The following SRPX variants were observed in gnomAD, a reference collection of about 807,000 sequenced individuals.
The protein encoded by SRPX is sushi repeat-containing protein SRPX.
A neutral mutation model predicts 38.1 loss-of-function variants in SRPX; 24 were observed. That is an observed-to-expected ratio of 0.63 (90% CI 0.46 to 0.89). The LOEUF is 0.89. Ranked by LOEUF, SRPX falls within the 40% of genes least tolerant of loss-of-function variation. The pLI is 0.00. For synonymous variants in SRPX, 184 were observed against 153.8 expected, an observed-to-expected ratio of 1.20 and a Z score of -1.45; for missense variants, 416 against 377.8, an observed-to-expected ratio of 1.10 and a Z score of -0.84.
chrX:38,219,191 G>A (rs951348266), intron 1 of SRPX, among the ~76,000 whole-genome samples: 2 of 110,781 alleles, frequency 1.8e-5, no homozygotes, highest in Non-Finnish European at 3.8e-5. Flanking sequence ...GGGAGGGCAG[G>A]GGAGGAGAAC....
In SRPX at chrX:38,217,281, TAA is replaced by T. The variant is rs766637349; in HGVS notation, c.97+3413_97+3414del. 2.7e-5 allele frequency among the ~76,000 whole-genome samples: 3 copies of T among 112,404 alleles called. No homozygotes were observed. In the Admixed American group the frequency reaches 2.8e-4, roughly 11 times the overall value. On this transcript the variant is annotated intron_variant, in intron 1 of 9. Transcript: ENST00000378533. ...AAATATGTGATATATGTGATAAATA[TAA>T]GAGACATGAGTGAGACCATGGGTGT...
At chrX:38,166,722 A>C (rs1938370294) in intron 4 of SRPX, among the ~76,000 whole-genome samples, 1 of 112,313 alleles carries the variant, frequency 8.9e-6, no homozygotes, top group African/African-American at 3.2e-5. Context: ...AAGTATATTT[A>C]TTAGCATACA....
intron 7 of SRPX, among the ~76,000 whole-genome samples, chrX:38,158,935 G>A (rs1037947556): frequency 2.1e-4 from 23 of 110,850 alleles, no homozygotes; most frequent in Non-Finnish European, 2.6e-4. Flanking sequence ...AACCGAGATC[G>A]CGCCACTGCA....
chrX:38,195,619 C>T (rs762514156), intron 1 of SRPX, among the ~76,000 whole-genome samples: 7 of 111,303 alleles, frequency 6.3e-5, no homozygotes, highest in South Asian at 7.6e-4. Context: ...ATTAGAGAGT[C>T]TTAGATCTGG....
chrX:38,159,764 G>T (rs1290565211), intron 7 of SRPX, among the ~76,000 whole-genome samples: 2 of 112,297 alleles, frequency 1.8e-5, no homozygotes, highest in Non-Finnish European at 3.8e-5. Context: ...GTCACCAAAG[G>T]CTGGCCCTAG....
At chrX:38,213,725 T>C (rs930667350) in intron 1 of SRPX, among the ~76,000 whole-genome samples, 1 of 111,888 alleles carries the variant, frequency 8.9e-6, no homozygotes, top group African/African-American at 3.3e-5. Flanking sequence ...GGAAGTATAG[T>C]AGCTTCTACC....
rs759427806 is a variant in SRPX, at chrX:38,154,524, G to A, written c.1149C>T (p.Phe383=). The A allele has an allele frequency of 4.1e-6, 5 of 1,205,901 alleles. No individual in the cohort carries two copies. The East Asian group carries it at 1.2e-4, about 29-fold the overall frequency. The part of the protein sequence containing the change: ...HITVVELVGV[F]PTLIGRIGAK... ...CTCCTATCCTGCCAATGAGAGTCGG[G>A]AACACACCCACCAGCTCCACCACGG... is the stretch of plus-strand genomic sequence containing the variant. The change falls in exon 9 of 10, where the codon TTC becomes TTT. Residue 383 remains phenylalanine (F), a synonymous_variant. Coordinates refer to ENST00000378533, the MANE Select transcript of SRPX (RefSeq NM_006307.5).
At chrX:38,204,498 C>G (rs887314999) in intron 1 of SRPX, among the ~76,000 whole-genome samples, 12 of 112,171 alleles carry the variant, frequency 1.1e-4, no homozygotes, top group African/African-American at 3.6e-4. Context: ...AAGTACACCT[C>G]AAGTAAAAAG....
chrX:38,213,374 A>G (rs1036335486), intron 1 of SRPX, among the ~76,000 whole-genome samples: 1 of 112,099 alleles, frequency 8.9e-6, no homozygotes, highest in Non-Finnish European at 1.9e-5. Flanking sequence ...ATCTCAATAA[A>G]ACTGTTATGA....
At chrX:38,167,376 G>A (rs1206692701) in intron 4 of SRPX, among the ~76,000 whole-genome samples, 3 of 111,033 alleles carry the variant, frequency 2.7e-5, no homozygotes, top group Non-Finnish European at 5.7e-5. Context: ...GCCTCTGCAG[G>A]ACTTGATCCT....
chrX:38,207,478 C>A (rs760494468), intron 1 of SRPX, among the ~76,000 whole-genome samples: 1 of 112,535 alleles, frequency 8.9e-6, no homozygotes, highest in African/African-American at 3.2e-5. Flanking sequence ...GAGGGCTAGC[C>A]TTTAAAGTAA....
Position 38,214,258 on chromosome X carries a change from G to A in SRPX, c.97+6438C>T, listed in dbSNP as rs1207178430. Among the ~76,000 whole-genome samples, 4 of 111,716 alleles carry A rather than the reference G, an allele frequency of 3.6e-5. No individual in the cohort carries two copies. In the East Asian group the frequency reaches 8.5e-4, roughly 24 times the overall value. On this transcript the variant is annotated intron_variant, in intron 1 of 9. Coordinates refer to ENST00000378533, the MANE Select transcript of SRPX (RefSeq NM_006307.5). The stretch of plus-strand genomic sequence containing the variant: ...CAGAGGCTCCTCCCTAAAATGCAGG[G>A]CAAGTTACCATCTCAGGCATCCTCC...
chrX:38,199,269 G>A (rs1939062095), intron 1 of SRPX, among the ~76,000 whole-genome samples: 1 of 111,849 alleles, frequency 8.9e-6, no homozygotes, highest in African/African-American at 3.2e-5. Flanking sequence ...AGCCAGGCGT[G>A]GTGGCGGGCG....
At chrX:38,198,072 T>C (rs760605845) in intron 1 of SRPX, among the ~76,000 whole-genome samples, 2 of 112,308 alleles carry the variant, frequency 1.8e-5, no homozygotes, top group Non-Finnish European at 3.8e-5. Context: ...TACCAAATAA[T>C]GTCTTGCACA....
intron 1 of SRPX, among the ~76,000 whole-genome samples, chrX:38,210,880 T>C (rs2147128156): frequency 8.9e-6 from 1 of 112,072 alleles, no homozygotes; most frequent in East Asian, 2.8e-4. Flanking sequence ...AAAAGGTAGG[T>C]GCTTATTTCA....
chrX:38,216,967 C>T (rs1430676897), intron 1 of SRPX, among the ~76,000 whole-genome samples: 2 of 112,277 alleles, frequency 1.8e-5, no homozygotes, highest in African/African-American at 6.5e-5. Flanking sequence ...TTAAAAGGAA[C>T]CTCTGTATCC....
chrX:38,165,658 G>T (rs951312456), intron 4 of SRPX, among the ~76,000 whole-genome samples: 64 of 112,182 alleles, frequency 5.7e-4, no homozygotes, highest in African/African-American at 1.9e-3. Flanking sequence ...TACAATCTAA[G>T]TCGGAGCACT....
In SRPX at chrX:38,201,077, T is replaced by C. The variant is rs747561234; in HGVS notation, c.97+19619A>G. Reference sequence around the variant, plus strand: ...TTTCACAGTGACTCTATAAGACTATTACTCCCCACTTTTTAGATCGTGATT... The same window carrying C: ...TTTCACAGTGACTCTATAAGACTATCACTCCCCACTTTTTAGATCGTGATT... On this transcript the variant is annotated intron_variant, in intron 1 of 9. Transcript: ENST00000378533. Among the ~76,000 whole-genome samples the C allele has an allele frequency of 2.7e-5, 3 of 111,711 alleles. No homozygotes were observed. In the South Asian group the frequency reaches 1.1e-3, roughly 42 times the overall value.
At chrX:38,209,147 C>T (rs753016048) in intron 1 of SRPX, among the ~76,000 whole-genome samples, 22 of 110,177 alleles carry the variant, frequency 2.0e-4, no homozygotes, top group Admixed American at 1.2e-3. Flanking sequence ...ATTCAGACCA[C>T]CAAGCCAAGA....
Sources: allele counts gnomAD v4.1 joint callset (sites outside exome capture counted in the v4.1 genomes callset), GRCh38; gene constraint gnomAD v4.1.1; transcripts MANE v1.5; gene names NCBI Gene and HGNC (gene_info 2026-07-23, HGNC 2026-07-21).